The following PREX2 variants were observed in gnomAD, a reference collection of about 807,000 sequenced individuals.
The protein encoded by PREX2 is phosphatidylinositol-3,4,5-trisphosphate dependent Rac exchange factor 2, also known as phosphatidylinositol 3,4,5-trisphosphate-dependent Rac exchanger 2 protein.
Under a neutral mutation model 203.2 loss-of-function variants are expected in PREX2, and 107 were observed. That is an observed-to-expected ratio of 0.53 (90% CI 0.45 to 0.62). PREX2 has a LOEUF of 0.62. PREX2 is among the 20% of genes least tolerant of loss of function. The pLI is 0.00. For synonymous variants in PREX2, 672 were observed against 663.6 expected, an observed-to-expected ratio of 1.01 and a Z score of -0.19; for missense variants, 1,777 against 1,955.9, an observed-to-expected ratio of 0.91 and a Z score of 1.72.
At chr8:68,045,819 C>T (rs892610417) in intron 8 of PREX2, among the ~76,000 whole-genome samples, 1 of 152,066 alleles carries the variant, frequency 6.6e-6, no homozygotes, top group African/African-American at 2.4e-5. Flanking sequence ...ACATGTGGGA[C>T]CTAGTCGGCT....
At chr8:67,959,494 A>G (rs1171967663) in intron 1 of PREX2, among the ~76,000 whole-genome samples, 1 of 152,144 alleles carries the variant, frequency 6.6e-6, no homozygotes, top group Non-Finnish European at 1.5e-5. Flanking sequence ...CCAAGGGTAG[A>G]GAGACAATAA....
intron 19 of PREX2, among the ~76,000 whole-genome samples, chr8:68,089,295 T>A (rs1366309768): frequency 7.2e-5 from 11 of 152,342 alleles, no homozygotes; most frequent in African/African-American, 1.9e-4. Context: ...TCAGCATTTT[T>A]AAAAATGTGT....
chr8:67,963,103 T>A (rs1805676779), intron 1 of PREX2, among the ~76,000 whole-genome samples: 1 of 152,124 alleles, frequency 6.6e-6, no homozygotes, highest in East Asian at 1.9e-4. Flanking sequence ...CAGCCTCCCA[T>A]GCAGATAAGT....
intron 35 of PREX2, among the ~76,000 whole-genome samples, chr8:68,167,193 C>T (rs552066603): frequency 5.3e-4 from 81 of 152,256 alleles, no homozygotes; most frequent in African/African-American, 1.9e-3. Flanking sequence ...CTGCTCAAAG[C>T]GCTTTAGTGA....
intron 35 of PREX2, among the ~76,000 whole-genome samples, chr8:68,157,672 A>T (rs997326232): frequency 6.6e-6 from 1 of 152,110 alleles, no homozygotes; most frequent in Non-Finnish European, 1.5e-5. Context: ...ATTTCTGAAG[A>T]GATAAAGAGA....
intron 37 of PREX2, among the ~76,000 whole-genome samples, chr8:68,211,515 G>T (rs376720151): frequency 6.6e-6 from 1 of 152,258 alleles, no homozygotes; most frequent in South Asian, 2.1e-4. Context: ...ACCATGGCCA[G>T]GTATCACACT....
Position 68,137,671 on chromosome 8 carries a change from A to G in PREX2, c.3985-744A>G, listed in dbSNP as rs149792943. On this transcript the variant is annotated intron_variant, in intron 32 of 39. Transcript: ENST00000288368. ...ATAAAACTATTAAAAGACCCTGTAA[A>G]TAATGCATTAAACTCCTAATAGGAA... 2.5e-3 allele frequency among the ~76,000 whole-genome samples: 380 copies of G among 152,326 alleles called. 2 individuals are homozygous for G. The highest frequency in any genetic ancestry group is 4.6e-3 in the Admixed American group (70 of 15,298).
intron 1 of PREX2, among the ~76,000 whole-genome samples, chr8:67,991,620 C>T (rs978577737): frequency 6.6e-6 from 1 of 152,144 alleles, no homozygotes; most frequent in African/African-American, 2.4e-5. Flanking sequence ...GGGGAAACCA[C>T]CCCCATGATT....
At chr8:68,178,955 A>G (rs1417468889) in intron 35 of PREX2, among the ~76,000 whole-genome samples, 1 of 152,200 alleles carries the variant, frequency 6.6e-6, no homozygotes, top group South Asian at 2.1e-4. Flanking sequence ...TAAAAGTCTG[A>G]TTAAAAATTA....
At chr8:68,101,442 C>A (rs1435715459) in intron 23 of PREX2, 2 of 518,772 alleles carry the variant, frequency 3.9e-6, no homozygotes, top group African/African-American at 3.9e-5. Flanking sequence ...TGGTTACCTG[C>A]CACATTTGTT....
At chr8:68,206,068 C>A (rs185801070) in intron 37 of PREX2, among the ~76,000 whole-genome samples, 1 of 152,252 alleles carries the variant, frequency 6.6e-6, no homozygotes, top group Admixed American at 6.5e-5. Flanking sequence ...AGCTGGAATT[C>A]TCTAAATATA....
intron 14 of PREX2, among the ~76,000 whole-genome samples, chr8:68,075,557 G>A (rs907702290): frequency 2.0e-5 from 3 of 152,000 alleles, no homozygotes; most frequent in Non-Finnish European, 4.4e-5. Context: ...CTGCCTCATT[G>A]GGAATATGGA....
At chr8:68,009,185 A>G (rs1487641711) in intron 1 of PREX2, among the ~76,000 whole-genome samples, 1 of 152,178 alleles carries the variant, frequency 6.6e-6, no homozygotes, top group African/African-American at 2.4e-5. Flanking sequence ...TTCCTTCTAC[A>G]CTGCTTACAT....
chr8:68,194,355 C>G (rs1812353282), intron 37 of PREX2, among the ~76,000 whole-genome samples: 1 of 151,882 alleles, frequency 6.6e-6, no homozygotes, highest in South Asian at 2.1e-4. Flanking sequence ...CAAAAAAGAA[C>G]AGAATTCAAA....
In PREX2 at chr8:68,134,182, A is replaced by G. The variant is rs1309907827; in HGVS notation, c.3890A>G (p.Glu1297Gly). ...NQMFDNSKENEMETWEASRRW... is the reference protein window; with the variant it reads ...NQMFDNSKENGMETWEASRRW... ...ATGTTTGACAACAGCAAGGAAAATGAGATGGAAACTTGGGAAGCCAGCAGG... is the reference window on the plus strand; with the variant it reads ...ATGTTTGACAACAGCAAGGAAAATGGGATGGAAACTTGGGAAGCCAGCAGG... The change falls in exon 32 of 40, where the codon GAG becomes GGG. Residue 1297 changes from glutamate (E) to glycine (G), a missense_variant. Coordinates refer to ENST00000288368, the MANE Select transcript of PREX2 (RefSeq NM_024870.4). 1 of 1,614,120 alleles carries G rather than the reference A, an allele frequency of 6.2e-7. No homozygotes were observed.
At chr8:68,185,599 A>G (rs2129614517) in intron 35 of PREX2, among the ~76,000 whole-genome samples, 1 of 152,282 alleles carries the variant, frequency 6.6e-6, no homozygotes, top group African/African-American at 2.4e-5. Flanking sequence ...TCTTGATTAG[A>G]TGGTATGCAA....
intron 6 of PREX2, 24 bp downstream of exon 6, chr8:68,030,682 C>G (rs759831560): frequency 6.8e-6 from 11 of 1,611,486 alleles, no homozygotes; most frequent in Non-Finnish European, 8.5e-6. Context: ...GCTTGACAAT[C>G]GAGCTTAAGA....
chr8:68,145,860 TCTGA>T (rs1234286387), intron 33 of PREX2, among the ~76,000 whole-genome samples: 1 of 152,086 alleles, frequency 6.6e-6, no homozygotes, highest in Admixed American at 6.6e-5. Flanking sequence ...AAGGACTCAT[TCTGA>T]CTAAAATGTG....
chr8:68,192,400 G>A lies in PREX2; in HGVS notation c.4479G>A (p.Lys1493=). Residue 1493 remains lysine (K), a synonymous_variant, in exon 37 of 40, where the codon AAG becomes AAA. Transcript: ENST00000288368. The stretch of plus-strand genomic sequence containing the variant: ...TGGTAGCCTCGTTTATCAGATCCAA[G>A]CGCACAGCTGCCTGTGCAAACACAG... ...YRLVASFIRS[K]RTAACANTAC... 6.2e-7 allele frequency: 1 copy of A among 1,613,960 alleles called. No homozygotes were observed. Among genetic ancestry groups the A allele is most frequent in the Non-Finnish European group, 8.5e-7 (1 of 1,179,924 alleles).
Sources: allele counts gnomAD v4.1 joint callset (sites outside exome capture counted in the v4.1 genomes callset), GRCh38; gene constraint gnomAD v4.1.1; transcripts MANE v1.5; gene names NCBI Gene and HGNC (gene_info 2026-07-23, HGNC 2026-07-21).